CEP112: variants seen among roughly 807,000 people sequenced by gnomAD.
CEP112 encodes the protein centrosomal protein of 112 kDa.
CEP112 carries 127 observed loss-of-function variants against 153.0 expected under a neutral mutation model. The observed-to-expected ratio is 0.83, with a 90% CI of 0.72 to 0.96. The LOEUF is 0.96. Among genes scored for constraint, CEP112 ranks in the 40% least tolerant of loss-of-function variants. The pLI is 0.00. For synonymous variants in CEP112, 358 were observed against 374.4 expected (o/e 0.96, Z 0.51); for missense variants, 1,089 against 1,101.2 (o/e 0.99, Z 0.16).
At chr17:66,176,809 C>T in intron 3 of CEP112, 21 bp downstream of exon 3, 1 of 1,566,412 alleles carries the variant, frequency 6.4e-7, no homozygotes, top group Non-Finnish European at 8.6e-7. Flanking sequence ...TAATATATAC[C>T]TTTTGTTCAT....
At chr17:65,852,920 T>C (rs573436788) in intron 20 of CEP112, among the ~76,000 whole-genome samples, 1 of 152,186 alleles carries the variant, frequency 6.6e-6, no homozygotes, top group Non-Finnish European at 1.5e-5. Flanking sequence ...TGGATACTGA[T>C]TTAGTTCCAT....
chr17:65,898,088 T>C, intron 20 of CEP112, among the ~76,000 whole-genome samples: 1 of 152,256 alleles, frequency 6.6e-6, no homozygotes, highest in East Asian at 1.9e-4. Flanking sequence ...TATTGCTTAA[T>C]TATTTTCAGT....
At chr17:66,103,021 C>G (rs1242620893) in intron 6 of CEP112, among the ~76,000 whole-genome samples, 4 of 151,252 alleles carry the variant, frequency 2.6e-5, no homozygotes, top group Non-Finnish European at 5.9e-5. Flanking sequence ...GTCAGCAGTT[C>G]GAGACCAGAC....
intron 6 of CEP112, among the ~76,000 whole-genome samples, chr17:66,103,174 G>A (rs1207240616): frequency 6.6e-6 from 1 of 151,586 alleles, no homozygotes; most frequent in African/African-American, 2.4e-5. Context: ...GCAGTGGGCC[G>A]AGATAGTGCC....
At chr17:66,130,584 GC>G (rs2070097670) in intron 5 of CEP112, among the ~76,000 whole-genome samples, 1 of 151,756 alleles carries the variant, frequency 6.6e-6, no homozygotes. Context: ...GACCATCCTG[GC>G]TAACAGGCTG....
chr17:66,074,169 T>C (rs2067399217), intron 8 of CEP112, among the ~76,000 whole-genome samples: 1 of 151,942 alleles, frequency 6.6e-6, no homozygotes. Context: ...CAAATGAAAA[T>C]TCCAGAATCG....
At chr17:66,050,389 C>A (rs1487878047) in intron 12 of CEP112, among the ~76,000 whole-genome samples, 1 of 152,140 alleles carries the variant, frequency 6.6e-6, no homozygotes, top group East Asian at 1.9e-4. Flanking sequence ...GATCTGTTCA[C>A]CACACTTGGC....
intron 21 of CEP112, among the ~76,000 whole-genome samples, chr17:65,805,238 A>G (rs2055530386): frequency 6.6e-6 from 1 of 152,120 alleles, no homozygotes; most frequent in African/African-American, 2.4e-5. Flanking sequence ...TACTATTTCT[A>G]TGACTACCGT....
intron 8 of CEP112, among the ~76,000 whole-genome samples, chr17:66,072,438 T>C (rs1483818196): frequency 2.0e-5 from 3 of 152,182 alleles, no homozygotes; most frequent in Non-Finnish European, 4.4e-5. Context: ...TATTTATTTC[T>C]CCTTTAATCT....
At chr17:66,170,168 T>A (rs1322853581) in intron 4 of CEP112, among the ~76,000 whole-genome samples, 3 of 152,122 alleles carry the variant, frequency 2.0e-5, no homozygotes, top group East Asian at 1.9e-4. Flanking sequence ...AATCTATTGG[T>A]TAGAAGCAAG....
chr17:65,923,270 C>T (rs1478799317), intron 19 of CEP112, among the ~76,000 whole-genome samples: 1 of 152,208 alleles, frequency 6.6e-6, no homozygotes, highest in Non-Finnish European at 1.5e-5. Flanking sequence ...TATCGTCTAC[C>T]TTTTCTTCTC....
chr17:66,057,396 T>C (rs1315565632), intron 11 of CEP112, among the ~76,000 whole-genome samples: 1 of 152,132 alleles, frequency 6.6e-6, no homozygotes, highest in Middle Eastern at 3.2e-3. Flanking sequence ...TATCCCTCCA[T>C]GGGATAGGCA....
Position 66,027,481 on chromosome 17 carries a change from G to T in CEP112, c.1656+20C>A. 1.5e-6 allele frequency: 2 copies of T among 1,342,304 alleles called. No homozygotes were observed. Among genetic ancestry groups the T allele is most frequent in the East Asian group, 3.1e-5 (1 of 32,618 alleles). The allele number at this position is 1,342,304 out of a possible 1,614,324, so 83.1% of individuals were successfully genotyped here. On this transcript the variant is annotated intron_variant, in intron 16 of 26. Coordinates refer to ENST00000535342, the MANE Select transcript of CEP112 (RefSeq NM_001199165.4). ...CATTTGCTATTTTAAATATTTTATA[G>T]CTTCCATAAAACATATTACCTTTTT...
At chr17:65,977,529 G>C (rs2063080113) in intron 17 of CEP112, among the ~76,000 whole-genome samples, 1 of 152,160 alleles carries the variant, frequency 6.6e-6, no homozygotes, top group Non-Finnish European at 1.5e-5. Flanking sequence ...CTTTGGATCA[G>C]GTGTCCACTC....
At chr17:65,640,085 G>A (rs1182094921) in intron 25 of CEP112, among the ~76,000 whole-genome samples, 2 of 147,672 alleles carry the variant, frequency 1.4e-5, no homozygotes, top group African/African-American at 2.5e-5. Context: ...TGATCTGCCC[G>A]CTGTGGCCTC....
chr17:66,139,182 G>A (rs899646544), intron 4 of CEP112, among the ~76,000 whole-genome samples: 25 of 152,188 alleles, frequency 1.6e-4, no homozygotes, highest in Non-Finnish European at 2.4e-4. Flanking sequence ...ATGAAACTAA[G>A]AGTTGATTTA....
At chr17:65,851,382 A>AT (rs2057925646) in intron 21 of CEP112, among the ~76,000 whole-genome samples, 1 of 152,196 alleles carries the variant, frequency 6.6e-6, no homozygotes, top group African/African-American at 2.4e-5. Flanking sequence ...GTCATCATTT[A>AT]TGTGACACTG....
chr17:65,725,419 G>A (rs1209392530), intron 23 of CEP112, among the ~76,000 whole-genome samples: 2 of 152,184 alleles, frequency 1.3e-5, no homozygotes, highest in Non-Finnish European at 2.9e-5. Context: ...CTGGGTTCAA[G>A]TGATTCTCCT....
intron 1 of CEP112, among the ~76,000 whole-genome samples, chr17:66,188,940 G>A (rs1670680582): frequency 6.6e-6 from 1 of 152,246 alleles, no homozygotes; most frequent in East Asian, 1.9e-4. Flanking sequence ...TACTGCCCAC[G>A]TACTCAAACA....
Sources: gnomAD v4.1 joint callset for allele counts (sites outside exome capture counted in the v4.1 genomes callset) on GRCh38, gnomAD v4.1.1 for gene constraint, MANE v1.5 for transcripts, NCBI Gene and HGNC (gene_info 2026-07-23, HGNC 2026-07-21) for gene names.